ZC3H12B: variants seen among roughly 807,000 people sequenced by gnomAD.
ZC3H12B encodes the protein zinc finger CCCH-type containing 12B.
ZC3H12B carries 7 observed loss-of-function variants against 43.9 expected under a neutral mutation model. The ratio of observed to expected loss-of-function variants is 0.16; its 90% CI spans 0.09 to 0.30. The LOEUF (loss-of-function observed/expected upper bound fraction) is 0.30. Among genes scored for constraint, ZC3H12B ranks in the 10% least tolerant of loss-of-function variants. ZC3H12B has a pLI of 1.00. For missense variants in ZC3H12B, 475 were observed against 670.2 expected, an observed-to-expected ratio of 0.71 and a Z score of 3.22; for synonymous variants, 222 against 241.7, an observed-to-expected ratio of 0.92 and a Z score of 0.76.
the ZC3H12B span, among the ~76,000 whole-genome samples, chrX:65,155,986 T>TG: frequency 1.3e-4 from 14 of 111,636 alleles, no homozygotes; most frequent in Non-Finnish European, 2.3e-4. Flanking sequence ...AGGATGTTTT[T>TG]TCCACTACTA....
At chrX:65,437,007 C>G (rs957948873) in intron 3 of ZC3H12B, among the ~76,000 whole-genome samples, 1 of 110,240 alleles carries the variant, frequency 9.1e-6, no homozygotes, top group African/African-American at 3.3e-5. Context: ...GGCTGTAGTA[C>G]AGTGGTGGGA....
chrX:65,079,791 C>T, the ZC3H12B span, among the ~76,000 whole-genome samples: 1 of 111,148 alleles, frequency 9.0e-6, no homozygotes, highest in Admixed American at 9.5e-5. Flanking sequence ...TACATTAAAT[C>T]CTTAACTCTT....
intron 3 of ZC3H12B, among the ~76,000 whole-genome samples, chrX:65,464,740 C>A (rs1453297787): frequency 9.1e-6 from 1 of 110,154 alleles, no homozygotes; most frequent in African/African-American, 3.3e-5. Context: ...TTTTTAATGT[C>A]GGTTTTTATA....
the ZC3H12B span, among the ~76,000 whole-genome samples, chrX:65,114,218 C>A: frequency 9.4e-6 from 1 of 106,503 alleles, no homozygotes; most frequent in Non-Finnish European, 1.9e-5. Flanking sequence ...CTGCAGTTTT[C>A]TTGTACTGTT....
intron 2 of ZC3H12B, among the ~76,000 whole-genome samples, chrX:65,381,878 C>G (rs2066445489): frequency 8.9e-6 from 1 of 111,794 alleles, no homozygotes; most frequent in Admixed American, 9.4e-5. Flanking sequence ...TTCCTCGACA[C>G]ATACACTCTC....
chrX:65,178,388 AC>A, the ZC3H12B span, among the ~76,000 whole-genome samples: 5 of 112,100 alleles, frequency 4.5e-5, no homozygotes, highest in African/African-American at 1.6e-4. Context: ...AAAAGCAATG[AC>A]AACAAAAGCC....
chrX:65,255,498 T>C, the ZC3H12B span, among the ~76,000 whole-genome samples: 1 of 112,103 alleles, frequency 8.9e-6, no homozygotes, highest in Non-Finnish European at 1.9e-5. Context: ...ACTAATGGAA[T>C]TTGTTACCAC....
the ZC3H12B span, among the ~76,000 whole-genome samples, chrX:65,263,619 A>G: frequency 1.8e-5 from 2 of 111,331 alleles, no homozygotes; most frequent in Non-Finnish European, 1.9e-5. Flanking sequence ...AGATAGTAAT[A>G]TCAGAATATC....
the ZC3H12B span, among the ~76,000 whole-genome samples, chrX:65,349,856 A>T: frequency 7.1e-5 from 8 of 112,174 alleles, 1 homozygote; most frequent in East Asian, 2.2e-3. Context: ...TTGAGGCATT[A>T]ATTCATAGCC....
chrX:65,224,290 C>T, the ZC3H12B span, among the ~76,000 whole-genome samples: 1 of 112,382 alleles, frequency 8.9e-6, no homozygotes, highest in Non-Finnish European at 1.9e-5. Context: ...CCTTTGAGTA[C>T]TCGGGAAAGG....
chrX:65,202,108 A>G, the ZC3H12B span, among the ~76,000 whole-genome samples: 1 of 92,736 alleles, frequency 1.1e-5, no homozygotes, highest in Non-Finnish European at 2.1e-5. Context: ...TATTTTATAT[A>G]ATATATATTA....
rs187835529 is a variant in ZC3H12B, at chrX:65,483,552, C to T, written n.408-5094C>T. On this transcript the variant is annotated intron_variant and non_coding_transcript_variant, in intron 3 of 5. Coordinates refer to the ZC3H12B transcript ENST00000617377. ...CTTCTTTAACTGATGTGCTTGACAC[C>T]GGGGATTGGAGATGGGCTATATAAG... 4.4e-4 allele frequency among the ~76,000 whole-genome samples: 49 copies of T among 110,835 alleles called. 1 individual carries two copies. In the East Asian group the frequency reaches 0.01, roughly 23 times the overall value.
At chrX:65,254,570 A>T in the ZC3H12B span, among the ~76,000 whole-genome samples, 8 of 112,438 alleles carry the variant, frequency 7.1e-5, no homozygotes, top group Admixed American at 6.6e-4. Context: ...TTCAAAAGAT[A>T]GCAACTTCAA....
chrX:65,141,472 G>A, the ZC3H12B span, among the ~76,000 whole-genome samples: 3 of 108,755 alleles, frequency 2.8e-5, no homozygotes, highest in Non-Finnish European at 5.7e-5. Context: ...TTTCCCTTCA[G>A]TAGCTACATA....
At chrX:65,227,069 C>A in the ZC3H12B span, among the ~76,000 whole-genome samples, 1 of 111,497 alleles carries the variant, frequency 9.0e-6, no homozygotes, top group Non-Finnish European at 1.9e-5. Flanking sequence ...CCCAAATCAA[C>A]ATAATATACA....
At chrX:65,216,932 C>T in the ZC3H12B span, among the ~76,000 whole-genome samples, 1 of 111,604 alleles carries the variant, frequency 9.0e-6, no homozygotes, top group East Asian at 2.8e-4. Context: ...GGCTTTGGGG[C>T]TTGAATTAGT....
At chrX:65,480,428 C>A in intron 3 of ZC3H12B, among the ~76,000 whole-genome samples, 1 of 112,339 alleles carries the variant, frequency 8.9e-6, no homozygotes, top group Non-Finnish European at 1.9e-5. Context: ...ATCATTTTAA[C>A]CCAACTTACC....
intron 3 of ZC3H12B, among the ~76,000 whole-genome samples, chrX:65,433,148 A>C (rs1034277138): frequency 8.9e-6 from 1 of 112,700 alleles, no homozygotes; most frequent in African/African-American, 3.2e-5. Context: ...ATAAAACCAC[A>C]TCTGGTACAG....
chrX:65,256,682 T>G, the ZC3H12B span, among the ~76,000 whole-genome samples: 1 of 111,261 alleles, frequency 9.0e-6, no homozygotes, highest in East Asian at 2.8e-4. Context: ...AAAAAATAAC[T>G]AACATCAGAG....
Sources: gnomAD v4.1 joint callset for allele counts (sites outside exome capture counted in the v4.1 genomes callset) on GRCh38, gnomAD v4.1.1 for gene constraint, MANE v1.5 for transcripts, NCBI Gene and HGNC (gene_info 2026-07-23, HGNC 2026-07-21) for gene names.